Variants in CNTNAP5 observed in about 807,000 individuals in gnomAD.
CNTNAP5 encodes contactin-associated protein-like 5.
A neutral mutation model predicts 150.2 loss-of-function variants in CNTNAP5; 72 were observed. The ratio of observed to expected loss-of-function variants is 0.48; its 90% CI spans 0.40 to 0.58. The LOEUF is 0.58. Ranked by LOEUF, CNTNAP5 falls within the 20% of genes least tolerant of loss-of-function variation. CNTNAP5 has a pLI of 0.00. For missense variants in CNTNAP5, 1,636 were observed against 1,626.2 expected (o/e 1.01, Z -0.10); for synonymous variants, 672 against 619.8 (o/e 1.08, Z -1.25).
At chr2:124,120,288 G>A (rs1044511864) in intron 1 of CNTNAP5, among the ~76,000 whole-genome samples, 1 of 152,168 alleles carries the variant, frequency 6.6e-6, no homozygotes, top group African/African-American at 2.4e-5. Context: ...AAAGGATAGA[G>A]AGACAAAAAA....
intron 1 of CNTNAP5, among the ~76,000 whole-genome samples, chr2:124,128,830 A>G (rs138369910): frequency 0.018 from 2,778 of 152,300 alleles, 42 homozygotes; most frequent in South Asian, 0.032. Context: ...CAAACACTGC[A>G]TATTCTCACT....
chr2:124,895,856 C>T (rs1372505066), intron 21 of CNTNAP5, among the ~76,000 whole-genome samples: 3 of 151,358 alleles, frequency 2.0e-5, no homozygotes, highest in African/African-American at 7.4e-5. Flanking sequence ...CCAAGGAAGT[C>T]CTCTGTGAGG....
At chr2:124,775,847 C>G (rs970584547) in intron 17 of CNTNAP5, among the ~76,000 whole-genome samples, 1 of 152,098 alleles carries the variant, frequency 6.6e-6, no homozygotes, top group Non-Finnish European at 1.5e-5. Flanking sequence ...TCAATAGTAC[C>G]GCCCCTTCTG....
Position 124,542,768 on chromosome 2 carries a change from C to T in CNTNAP5, c.1649+15312C>T, listed in dbSNP as rs182902206. On this transcript the variant is annotated intron_variant, in intron 10 of 23. Transcript: ENST00000682447. Reference sequence around the variant, plus strand: ...TATCTTGCCCATCCAAAGTTCATCACGTCTACTGATGCATTCAGCTGAGAC... The same window carrying T: ...TATCTTGCCCATCCAAAGTTCATCATGTCTACTGATGCATTCAGCTGAGAC... 4.6e-5 allele frequency among the ~76,000 whole-genome samples: 7 copies of T among 152,228 alleles called. No individual in the cohort carries two copies. The East Asian group carries it at 9.6e-4, about 21-fold the overall frequency.
chr2:124,074,367 G>C (rs2104667760), intron 1 of CNTNAP5, among the ~76,000 whole-genome samples: 1 of 152,206 alleles, frequency 6.6e-6, no homozygotes, highest in Admixed American at 6.6e-5. Flanking sequence ...GTAACACATA[G>C]AATAGATGCT....
intron 1 of CNTNAP5, among the ~76,000 whole-genome samples, chr2:124,032,225 G>A (rs574188970): frequency 6.6e-6 from 1 of 152,170 alleles, no homozygotes; most frequent in South Asian, 2.1e-4. Context: ...TGCTCTTTGA[G>A]GAAAAACAAA....
chr2:124,353,356 C>G (rs1483687248), intron 3 of CNTNAP5, among the ~76,000 whole-genome samples: 3 of 143,164 alleles, frequency 2.1e-5, no homozygotes, highest in Non-Finnish European at 4.6e-5. Context: ...GACATTTAAT[C>G]TAATGGCCCA....
chr2:124,666,149 A>G (rs1678695740), intron 13 of CNTNAP5, among the ~76,000 whole-genome samples: 1 of 152,210 alleles, frequency 6.6e-6, no homozygotes, highest in South Asian at 2.1e-4. Context: ...TATACATTTT[A>G]GGGAGACAGA....
At chr2:124,346,795 G>T (rs1689746100) in intron 3 of CNTNAP5, among the ~76,000 whole-genome samples, 1 of 151,746 alleles carries the variant, frequency 6.6e-6, no homozygotes, top group South Asian at 2.1e-4. Context: ...TACTGACCAG[G>T]CATGGTGGCT....
At chr2:124,538,539 A>G (rs990791562) in intron 10 of CNTNAP5, among the ~76,000 whole-genome samples, 1 of 151,656 alleles carries the variant, frequency 6.6e-6, no homozygotes, top group African/African-American at 2.4e-5. Flanking sequence ...AAGGAAAGAA[A>G]GAAAGAAAGA....
At chr2:124,485,612 CA>C (rs576700912) in intron 7 of CNTNAP5, among the ~76,000 whole-genome samples, 1,046 of 52,378 alleles carry the variant, frequency 0.02, 25 homozygotes, top group African/African-American at 0.077. Flanking sequence ...GACTCTGTCT[CA>C]AAAAAAAAAA....
chr2:124,719,542 C>T (rs1316056047), intron 13 of CNTNAP5, among the ~76,000 whole-genome samples: 1 of 152,064 alleles, frequency 6.6e-6, no homozygotes, highest in Admixed American at 6.6e-5. Context: ...TAAAATGATG[C>T]CTACTTTTAA....
At chr2:124,619,844 TA>T (rs1245384937) in intron 12 of CNTNAP5, among the ~76,000 whole-genome samples, 1 of 2,284 alleles carries the variant, frequency 4.4e-4, no homozygotes, top group African/African-American at 4.7e-4. Flanking sequence ...GTCTCATTCA[TA>T]TATATATATA....
chr2:124,535,579 T>C (rs764290488), intron 10 of CNTNAP5, among the ~76,000 whole-genome samples: 12 of 134,952 alleles, frequency 8.9e-5, no homozygotes, highest in Non-Finnish European at 1.7e-4. Flanking sequence ...CTGGCCAACA[T>C]GGTGAAACCC....
intron 7 of CNTNAP5, among the ~76,000 whole-genome samples, chr2:124,494,754 A>G (rs1211794107): frequency 2.0e-5 from 3 of 152,210 alleles, no homozygotes; most frequent in Non-Finnish European, 4.4e-5. Context: ...ATTGGGTTTC[A>G]AACCTAGATG....
intron 21 of CNTNAP5, among the ~76,000 whole-genome samples, chr2:124,896,835 G>A (rs979943398): frequency 2.0e-5 from 3 of 151,632 alleles, no homozygotes; most frequent in African/African-American, 2.4e-5. Flanking sequence ...CACCGCACCT[G>A]GCTAAGAATA....
At chr2:124,053,810 C>T (rs1417420320) in intron 1 of CNTNAP5, among the ~76,000 whole-genome samples, 1 of 152,014 alleles carries the variant, frequency 6.6e-6, no homozygotes, top group Non-Finnish European at 1.5e-5. Context: ...CAATATAATC[C>T]AGAAGGCCCA....
chr2:124,096,764 C>A (rs908808021), intron 1 of CNTNAP5, among the ~76,000 whole-genome samples: 1 of 152,034 alleles, frequency 6.6e-6, no homozygotes, highest in African/African-American at 2.4e-5. Context: ...AGTGCAGTGG[C>A]ATGATCTTGA....
chr2:124,451,550 A>C (rs1574003707), intron 6 of CNTNAP5, among the ~76,000 whole-genome samples: 1 of 152,166 alleles, frequency 6.6e-6, no homozygotes, highest in South Asian at 2.1e-4. Flanking sequence ...GCTGGATTGC[A>C]GTTCCCACTC....
Sources: gnomAD v4.1 joint callset for allele counts (sites outside exome capture counted in the v4.1 genomes callset) on GRCh38, gnomAD v4.1.1 for gene constraint, MANE v1.5 for transcripts, NCBI Gene and HGNC (gene_info 2026-07-23, HGNC 2026-07-21) for gene names.